FNDC3B: variants seen among roughly 807,000 people sequenced by gnomAD.
FNDC3B encodes the protein fibronectin type III domain containing 3B.
Under a neutral mutation model 151.5 loss-of-function variants are expected in FNDC3B, and 12 were observed. The ratio of observed to expected loss-of-function variants is 0.08; its 90% confidence interval spans 0.05 to 0.13. FNDC3B has a LOEUF of 0.13. FNDC3B is among the 10% of genes least tolerant of loss of function. FNDC3B has a pLI of 1.00. For missense variants in FNDC3B, 1,214 were observed against 1,505.3 expected, an observed-to-expected ratio of 0.81 and a Z score of 3.20; for synonymous variants, 528 against 549.0, an observed-to-expected ratio of 0.96 and a Z score of 0.54.
intron 1 of FNDC3B, among the ~76,000 whole-genome samples, chr3:172,041,753 C>G (rs2108446679): frequency 6.6e-6 from 1 of 152,286 alleles, no homozygotes; most frequent in African/African-American, 2.4e-5. Flanking sequence ...CAGTGGATAG[C>G]AGCCGGGAGC....
chr3:172,315,356 G>T (rs369012461), intron 11 of FNDC3B, among the ~76,000 whole-genome samples: 16 of 152,204 alleles, frequency 1.1e-4, no homozygotes, highest in Non-Finnish European at 2.1e-4. Flanking sequence ...CAGCCTGGGC[G>T]ACAGAGCGAG....
At chr3:172,378,722 A>G (rs1217882372) in intron 24 of FNDC3B, among the ~76,000 whole-genome samples, 1 of 152,158 alleles carries the variant, frequency 6.6e-6, no homozygotes, top group East Asian at 1.9e-4. Context: ...ACAGTTTACC[A>G]AGGAAGGCGT....
At chr3:172,290,162 G>A (rs998035768) in intron 7 of FNDC3B, among the ~76,000 whole-genome samples, 1 of 152,074 alleles carries the variant, frequency 6.6e-6, no homozygotes, top group Non-Finnish European at 1.5e-5. Context: ...TAAATAAAAG[G>A]CATATATTTT....
intron 21 of FNDC3B, among the ~76,000 whole-genome samples, chr3:172,351,198 G>A (rs1733834774): frequency 6.6e-6 from 1 of 152,220 alleles, no homozygotes; most frequent in Admixed American, 6.5e-5. Flanking sequence ...GACCACAGAG[G>A]AAGGATTGCA....
intron 8 of FNDC3B, 108 bp from the exon 9 acceptor site, chr3:172,298,620 C>G: frequency 1.7e-6 from 1 of 573,460 alleles, no homozygotes; most frequent in Non-Finnish European, 3.1e-6. Context: ...TGGAATCTGA[C>G]ATAATAGTTC....
chr3:172,284,588 G>C (rs1000081825), intron 6 of FNDC3B, among the ~76,000 whole-genome samples: 1 of 151,806 alleles, frequency 6.6e-6, no homozygotes, highest in Non-Finnish European at 1.5e-5. Context: ...AACCTGAACA[G>C]TAAGGACAAA....
At chr3:172,081,381 A>C (rs1410088268) in intron 1 of FNDC3B, among the ~76,000 whole-genome samples, 2 of 152,072 alleles carry the variant, frequency 1.3e-5, no homozygotes, top group Non-Finnish European at 2.9e-5. Flanking sequence ...ACTTATTGAC[A>C]TGAGCCTGGA....
chr3:172,367,912 G>A (rs989546515), intron 23 of FNDC3B, among the ~76,000 whole-genome samples: 1 of 152,178 alleles, frequency 6.6e-6, no homozygotes, highest in African/African-American at 2.4e-5. Flanking sequence ...CATTAACTCA[G>A]CCCTTGTGCC....
intron 3 of FNDC3B, among the ~76,000 whole-genome samples, chr3:172,159,698 G>T (rs1722672186): frequency 1.3e-5 from 2 of 152,124 alleles, no homozygotes; most frequent in Non-Finnish European, 2.9e-5. Context: ...TAGATCTTTG[G>T]GTTTGTTTGG....
intron 1 of FNDC3B, among the ~76,000 whole-genome samples, chr3:172,105,705 G>A (rs1719613407): frequency 6.6e-6 from 1 of 151,426 alleles, no homozygotes; most frequent in African/African-American, 2.4e-5. Flanking sequence ...TGTCTGCCTT[G>A]GCCTCCCAAA....
At chr3:172,181,268 C>T (rs541035439) in intron 3 of FNDC3B, among the ~76,000 whole-genome samples, 20 of 151,380 alleles carry the variant, frequency 1.3e-4, no homozygotes, top group Admixed American at 1.1e-3. Flanking sequence ...GGTGTGGTGG[C>T]GTGTGGTCCC....
At chr3:172,335,107 G>GTTT (rs57479698) in intron 15 of FNDC3B, 25 bp downstream of exon 15, 1,427 of 1,313,830 alleles carry the variant, frequency 1.1e-3, no homozygotes, top group South Asian at 3.0e-3. Context: ...TGCTGCTACT[G>GTTT]TTTTTTTTTT....
chr3:172,330,944 A>G (rs2172839), intron 13 of FNDC3B, among the ~76,000 whole-genome samples: 43,391 of 151,974 alleles, frequency 0.29, 6,690 homozygotes, highest in Middle Eastern at 0.44. Flanking sequence ...CCTTGATCCT[A>G]TATATAATCA....
At chr3:172,359,772 C>T (rs1403625032) in intron 22 of FNDC3B, among the ~76,000 whole-genome samples, 2 of 151,974 alleles carry the variant, frequency 1.3e-5, no homozygotes, top group Non-Finnish European at 1.5e-5. Flanking sequence ...AGTGTTATAC[C>T]GAGAGACTTA....
chr3:172,178,770 T>C (rs1309304002), intron 3 of FNDC3B, among the ~76,000 whole-genome samples: 4 of 152,124 alleles, frequency 2.6e-5, no homozygotes, highest in Non-Finnish European at 4.4e-5. Flanking sequence ...ATTTCATAGA[T>C]AGGGAAAATT....
intron 1 of FNDC3B, among the ~76,000 whole-genome samples, chr3:172,064,023 G>A (rs1387280877): frequency 6.6e-6 from 1 of 152,174 alleles, no homozygotes; most frequent in Non-Finnish European, 1.5e-5. Context: ...CGAATCTATA[G>A]TTCCAGCTAT....
chr3:172,263,351 G>T (rs1390200793), intron 6 of FNDC3B, among the ~76,000 whole-genome samples: 4 of 152,142 alleles, frequency 2.6e-5, no homozygotes, highest in Non-Finnish European at 5.9e-5. Context: ...AACCAGGAGG[G>T]ATGGAGAAAC....
At position 172,218,134 on chromosome 3, in the gene FNDC3B, GAAAAAAAAA is replaced by G. The variant is rs57576493; in HGVS notation, c.188-8720_188-8712del. ...AGAAACGGAGAAGATCGACTTTCAG[GAAAAAAAAA>G]AAAAAAAAAAAAAAAAGGGCTGGTC... On this transcript the variant is annotated intron_variant, in intron 3 of 25. Coordinates refer to ENST00000415807, the MANE Select transcript of FNDC3B (RefSeq NM_022763.4). Among the ~76,000 whole-genome samples the G allele has an allele frequency of 8.0e-5, 5 of 62,740 alleles. 1 individual carries two copies. In the South Asian group the frequency reaches 2.8e-3, roughly 36 times the overall value. The allele number at this position is 62,740 out of a possible 152,430, so 41.2% of individuals were successfully genotyped here. A position where few individuals can be genotyped will look rare whatever the true frequency, so the allele number is the denominator to read the frequency against.
intron 3 of FNDC3B, among the ~76,000 whole-genome samples, chr3:172,217,742 T>C (rs1162162588): frequency 6.6e-6 from 1 of 152,162 alleles, no homozygotes; most frequent in African/African-American, 2.4e-5. Flanking sequence ...AAAATTGGGA[T>C]TTAAGAAGCT....
Sources: allele counts gnomAD v4.1 joint callset (sites outside exome capture counted in the v4.1 genomes callset), GRCh38; gene constraint gnomAD v4.1.1; transcripts MANE v1.5; gene names NCBI Gene and HGNC (gene_info 2026-07-23, HGNC 2026-07-21).